The following MBOAT1 variants were observed in gnomAD, a reference collection of about 807,000 sequenced individuals.
The protein encoded by MBOAT1 is membrane bound glycerophospholipid O-acyltransferase 1, also known as membrane-bound glycerophospholipid O-acyltransferase 1.
A neutral mutation model predicts 64.4 loss-of-function variants in MBOAT1; 67 were observed. That is an observed-to-expected ratio of 1.04 (90% CI 0.85 to 1.27). MBOAT1 has a LOEUF of 1.27. Ranked by LOEUF, MBOAT1 falls within the 50% of genes most tolerant of loss-of-function variation. The probability of loss-of-function intolerance (pLI) is 0.00; values close to 1 mark genes in which losing one functional copy is unlikely to be tolerated. For missense variants in MBOAT1, 563 were observed against 604.6 expected, an observed-to-expected ratio of 0.93 and a Z score of 0.72; for synonymous variants, 229 against 218.9, an observed-to-expected ratio of 1.05 and a Z score of -0.41.
At position 20,212,326 on chromosome 6, in the gene MBOAT1, C is replaced by G; in HGVS notation, c.-92G>C. On this transcript the variant is annotated 5_prime_UTR_variant, in exon 1 of 13. Transcript: ENST00000324607. ...CCCGGGTGCTCTTGGGTGGTTGCCC[C>G]GAGAGGCGCACGGCCGCCTGGTTCG... 2.5e-6 allele frequency: 3 copies of G among 1,215,168 alleles called. No individual in the cohort carries two copies. Among genetic ancestry groups the G allele is most frequent in the South Asian group, 2.7e-5 (2 of 74,692 alleles). 75.3% of individuals were successfully genotyped at this position (1,215,168 alleles called of 1,614,324 possible).
chr6:20,120,850 C>G (rs570484008), intron 8 of MBOAT1, among the ~76,000 whole-genome samples: 2 of 152,304 alleles, frequency 1.3e-5, no homozygotes, highest in Non-Finnish European at 2.9e-5. Context: ...CCCTAGTGAT[C>G]CCACAGTCAT....
chr6:20,165,210 G>A lies in MBOAT1; in HGVS notation c.100-12441C>T, dbSNP rs78951059. 8.5e-3 allele frequency among the ~76,000 whole-genome samples: 1,294 copies of A among 152,258 alleles called. 12 individuals are homozygous for A. The highest frequency in any genetic ancestry group is 0.029 in the African/African-American group (1,192 of 41,540). ...CCAAGCCCCTCATTTTGTGGGTAAGGAAACCGGTACATAGAGGGGAAAGGT... is the reference window on the plus strand; with the variant it reads ...CCAAGCCCCTCATTTTGTGGGTAAGAAAACCGGTACATAGAGGGGAAAGGT... On this transcript the variant is annotated intron_variant, in intron 1 of 12. Transcript: ENST00000324607.
At chr6:20,176,109 A>C (rs989627401) in intron 1 of MBOAT1, among the ~76,000 whole-genome samples, 15 of 152,014 alleles carry the variant, frequency 9.9e-5, no homozygotes, top group Non-Finnish European at 1.3e-4. Flanking sequence ...CAAAGTGAGA[A>C]CCTGTCTCTA....
intron 1 of MBOAT1, among the ~76,000 whole-genome samples, chr6:20,170,002 T>TG (rs1762144048): frequency 1.3e-5 from 2 of 152,182 alleles, no homozygotes; most frequent in Admixed American, 1.3e-4. Flanking sequence ...TGGCAGCCTC[T>TG]GACACTGCAC....
rs1330347603 is a variant in MBOAT1, at chr6:20,186,416, C to T, written c.99+25720G>A. On this transcript the variant is annotated intron_variant, in intron 1 of 12. Coordinates refer to ENST00000324607, the MANE Select transcript of MBOAT1 (RefSeq NM_001080480.3). ...CCCAGCACTTAAAAACCCATGTGCC[C>T]TGGGTGTTGTCACCTTTCCTGGAGC... Among the ~76,000 whole-genome samples the T allele has an allele frequency of 2.0e-5, 3 of 152,224 alleles. No homozygotes were observed. The East Asian group carries it at 5.8e-4, about 29-fold the overall frequency.
At chr6:20,149,137 C>G (rs1481154953) in intron 3 of MBOAT1, among the ~76,000 whole-genome samples, 2 of 149,402 alleles carry the variant, frequency 1.3e-5, no homozygotes, top group African/African-American at 4.9e-5. Flanking sequence ...AAAAAAGGAA[C>G]ATCTTGTGCT....
chr6:20,110,759 AC>A (rs1400470355), intron 11 of MBOAT1, among the ~76,000 whole-genome samples: 2 of 152,114 alleles, frequency 1.3e-5, no homozygotes, highest in Non-Finnish European at 2.9e-5. Flanking sequence ...TATATCATGC[AC>A]TTTTTTCCAT....
intron 4 of MBOAT1, among the ~76,000 whole-genome samples, chr6:20,138,133 G>C (rs1025278312): frequency 3.9e-5 from 6 of 152,190 alleles, no homozygotes; most frequent in African/African-American, 7.2e-5. Flanking sequence ...CCCAGGAAGA[G>C]GGATTTATGG....
At chr6:20,151,096 G>GAAAAA in intron 3 of MBOAT1, 89 bp downstream of exon 3, 6 of 933,260 alleles carry the variant, frequency 6.4e-6, no homozygotes, top group Non-Finnish European at 1.0e-5. Flanking sequence ...TGGAAAATGG[G>GAAAAA]TAAGGTCCAT....
intron 12 of MBOAT1, among the ~76,000 whole-genome samples, chr6:20,102,963 T>A (rs1324707703): frequency 1.3e-5 from 2 of 152,204 alleles, no homozygotes; most frequent in African/African-American, 4.8e-5. Context: ...GCCAGTTGAA[T>A]AAAAGGCCAG....
Position 20,212,254 on chromosome 6 carries a change from G to A in MBOAT1, c.-20C>T, listed in dbSNP as rs148235151. On this transcript the variant is annotated 5_prime_UTR_variant, in exon 1 of 13. Coordinates refer to ENST00000324607, the MANE Select transcript of MBOAT1 (RefSeq NM_001080480.3). ...TGCCATCCTGCATCTTCGGGAGGTG[G>A]CTGCCCCTGTCCCAGCCCGCAACAC... 3.8e-3 allele frequency: 6,114 copies of A among 1,603,664 alleles called. 75 individuals are homozygous for A. In the African/African-American group the frequency reaches 0.038, roughly 10 times the overall value.
chr6:20,162,770 G>C (rs1324565156), intron 1 of MBOAT1, among the ~76,000 whole-genome samples: 4 of 152,190 alleles, frequency 2.6e-5, no homozygotes, highest in African/African-American at 7.2e-5. Context: ...TCTCATTCTT[G>C]TACAAGGGAA....
At chr6:20,204,955 G>A (rs1763220472) in intron 1 of MBOAT1, among the ~76,000 whole-genome samples, 3 of 152,200 alleles carry the variant, frequency 2.0e-5, no homozygotes, top group African/African-American at 7.2e-5. Context: ...CCCGCATTTT[G>A]GGAGGCTGAG....
intron 1 of MBOAT1, among the ~76,000 whole-genome samples, chr6:20,209,031 G>A (rs1266181166): frequency 6.6e-6 from 1 of 152,198 alleles, no homozygotes; most frequent in Non-Finnish European, 1.5e-5. Context: ...AGGAGGACAG[G>A]AGCAGATGAT....
At chr6:20,122,562 A>G (rs941527518) in intron 8 of MBOAT1, among the ~76,000 whole-genome samples, 7 of 152,240 alleles carry the variant, frequency 4.6e-5, no homozygotes, top group African/African-American at 1.4e-4. Flanking sequence ...TCTAAGTCAG[A>G]TCTCTCCAGC....
chr6:20,104,401 T>C lies in MBOAT1; in HGVS notation c.1362-1989A>G, dbSNP rs111225919. Among the ~76,000 whole-genome samples, 15 of 152,304 alleles carry C rather than the reference T, an allele frequency of 9.8e-5. 1 individual carries two copies. The highest frequency in any genetic ancestry group is 3.6e-4 in the African/African-American group (15 of 41,582). ...AAGAATCCCAATTCTGAAAATCCAGTCCATAACCCTAAAAATAACTGTCAT... is the reference window on the plus strand; with the variant it reads ...AAGAATCCCAATTCTGAAAATCCAGCCCATAACCCTAAAAATAACTGTCAT... On this transcript the variant is annotated intron_variant, in intron 12 of 12. Coordinates refer to ENST00000324607, the MANE Select transcript of MBOAT1 (RefSeq NM_001080480.3).
At position 20,100,320 on chromosome 6, in the gene MBOAT1, A is replaced by G. The variant is rs1759753005; in HGVS notation, c.*1966T>C. Among the ~76,000 whole-genome samples, 2 of 152,078 alleles carry G rather than the reference A, an allele frequency of 1.3e-5. No homozygotes were observed. The highest frequency in any genetic ancestry group is 4.8e-5 in the African/African-American group (2 of 41,410). On this transcript the variant is annotated 3_prime_UTR_variant, in exon 13 of 13. Transcript: ENST00000324607. The stretch of plus-strand genomic sequence containing the variant: ...ATTTTTGCTAGTTTGCAAGATGTAC[A>G]TTTTTCTTGGTCTCGTACCTCAAAC...
intron 1 of MBOAT1, among the ~76,000 whole-genome samples, chr6:20,161,152 C>T (rs917132393): frequency 2.0e-4 from 31 of 152,074 alleles, no homozygotes; most frequent in African/African-American, 7.0e-4. Context: ...TCAGCAGCAG[C>T]ATTAGATTCT....
At chr6:20,107,431 C>G (rs1440137770) in intron 12 of MBOAT1, among the ~76,000 whole-genome samples, 1 of 152,216 alleles carries the variant, frequency 6.6e-6, no homozygotes, top group Non-Finnish European at 1.5e-5. Context: ...TTCACTCCCA[C>G]TGCACAACCT....
Sources: gnomAD v4.1 joint callset for allele counts (sites outside exome capture counted in the v4.1 genomes callset) on GRCh38, gnomAD v4.1.1 for gene constraint, MANE v1.5 for transcripts, NCBI Gene and HGNC (gene_info 2026-07-23, HGNC 2026-07-21) for gene names.